Variants in FOXP1 observed in about 807,000 individuals in gnomAD.
The protein encoded by FOXP1 is forkhead box protein P1.
FOXP1 carries 15 observed loss-of-function variants against 98.2 expected under a neutral mutation model. The observed-to-expected ratio is 0.15, with a 90% CI of 0.10 to 0.24. The LOEUF is 0.24. Ranked by LOEUF, FOXP1 falls within the 10% of genes least tolerant of loss-of-function variation. The pLI, the probability that FOXP1 is intolerant of heterozygous loss-of-function variation, is 1.00. For missense variants in FOXP1, 633 were observed against 848.5 expected (o/e 0.75, Z 3.15); for synonymous variants, 371 against 314.5 (o/e 1.18, Z -1.90).
chr3:71,500,239 T>A (rs1020233741), intron 2 of FOXP1, among the ~76,000 whole-genome samples: 4 of 152,236 alleles, frequency 2.6e-5, no homozygotes, highest in African/African-American at 9.6e-5. Flanking sequence ...TTAGAACACA[T>A]GGGGAATTAC....
chr3:71,434,957 C>G (rs769641421), intron 3 of FOXP1, among the ~76,000 whole-genome samples: 7 of 151,954 alleles, frequency 4.6e-5, no homozygotes, highest in African/African-American at 1.5e-4. Flanking sequence ...CCGTCTCTCT[C>G]GCCTTTGATC....
At chr3:71,201,913 T>C (rs1232871539) in intron 5 of FOXP1, among the ~76,000 whole-genome samples, 1 of 152,182 alleles carries the variant, frequency 6.6e-6, no homozygotes, top group African/African-American at 2.4e-5. Context: ...GCCCTAAGAA[T>C]GAGGCATAAA....
intron 3 of FOXP1, among the ~76,000 whole-genome samples, chr3:71,477,997 C>A (rs2089987031): frequency 6.6e-6 from 1 of 152,158 alleles, no homozygotes; most frequent in South Asian, 2.1e-4. Context: ...CAGGAATAAC[C>A]TTACCATGCC....
At chr3:71,285,918 T>C (rs2072070794) in intron 5 of FOXP1, among the ~76,000 whole-genome samples, 1 of 152,228 alleles carries the variant, frequency 6.6e-6, no homozygotes, top group Admixed American at 6.5e-5. Flanking sequence ...TCTCTGAATC[T>C]ATAAACCTAA....
In FOXP1 at chr3:71,003,319, G is replaced by A. The variant is rs2042351111; in HGVS notation, c.975-2260C>T. ...TGCAGGACACAGTTATGTCCTTAAT[G>A]ATGTTTAAACACAGTATTTGTGGAT... On this transcript the variant is annotated intron_variant, in intron 12 of 20. Coordinates refer to ENST00000649528, the MANE Select transcript of FOXP1 (RefSeq NM_001349338.3). Among the ~76,000 whole-genome samples, 3 of 152,178 alleles carry A rather than the reference G, an allele frequency of 2.0e-5. No homozygotes were observed. In the South Asian group the frequency reaches 6.2e-4, roughly 31 times the overall value.
At chr3:71,106,603 C>G (rs372992150) in intron 7 of FOXP1, among the ~76,000 whole-genome samples, 37 of 150,902 alleles carry the variant, frequency 2.5e-4, no homozygotes, top group Admixed American at 2.1e-3. Context: ...GGGTTATAGG[C>G]GTGAGCCATT....
At chr3:71,279,487 C>G (rs2071284454) in intron 5 of FOXP1, among the ~76,000 whole-genome samples, 1 of 152,038 alleles carries the variant, frequency 6.6e-6, no homozygotes, top group South Asian at 2.1e-4. Context: ...AGGGACGCTG[C>G]AAAATATCCC....
chr3:71,144,972 T>C (rs985108746), intron 6 of FOXP1, among the ~76,000 whole-genome samples: 3 of 152,190 alleles, frequency 2.0e-5, no homozygotes, highest in African/African-American at 7.2e-5. Flanking sequence ...ACTTAATACC[T>C]CTGAGACCAT....
chr3:71,461,264 T>C (rs2088070392), intron 3 of FOXP1, among the ~76,000 whole-genome samples: 1 of 152,254 alleles, frequency 6.6e-6, no homozygotes, highest in Non-Finnish European at 1.5e-5. Flanking sequence ...TTTTGTTTCA[T>C]ATTAGAATAA....
chr3:71,136,975 T>G (rs2059848790), intron 6 of FOXP1, among the ~76,000 whole-genome samples: 1 of 152,222 alleles, frequency 6.6e-6, no homozygotes, highest in South Asian at 2.1e-4. Flanking sequence ...TGCCTCCACT[T>G]GCCAGATCTC....
chr3:70,992,190 G>A (rs562151341), intron 13 of FOXP1, among the ~76,000 whole-genome samples: 1 of 152,294 alleles, frequency 6.6e-6, no homozygotes, highest in South Asian at 2.1e-4. Flanking sequence ...AGGACCCCAA[G>A]TGTCCAAGTT....
intron 3 of FOXP1, among the ~76,000 whole-genome samples, chr3:71,411,652 C>T (rs566961815): frequency 6.6e-6 from 1 of 152,208 alleles, no homozygotes; most frequent in African/African-American, 2.4e-5. Flanking sequence ...CTTCTGATCA[C>T]CTGATGCTGG....
At chr3:71,175,874 T>C (rs1467511681) in intron 6 of FOXP1, among the ~76,000 whole-genome samples, 2 of 152,204 alleles carry the variant, frequency 1.3e-5, no homozygotes, top group African/African-American at 2.4e-5. Flanking sequence ...TGGAGCAGTG[T>C]TCTATGTGAG....
chr3:71,032,569 T>G (rs1342663315), intron 11 of FOXP1, among the ~76,000 whole-genome samples: 3 of 152,178 alleles, frequency 2.0e-5, no homozygotes, highest in Non-Finnish European at 4.4e-5. Flanking sequence ...ATAAAGAACT[T>G]CAGGAATGCT....
intron 2 of FOXP1, among the ~76,000 whole-genome samples, chr3:71,524,201 T>C (rs1170217849): frequency 6.6e-6 from 1 of 151,792 alleles, no homozygotes; most frequent in African/African-American, 2.4e-5. Flanking sequence ...CCGTCTCTAG[T>C]AAAAATACAA....
At chr3:71,370,291 T>G (rs1486114418) in intron 3 of FOXP1, among the ~76,000 whole-genome samples, 1 of 152,184 alleles carries the variant, frequency 6.6e-6, no homozygotes, top group African/African-American at 2.4e-5. Flanking sequence ...GTCTCAATGG[T>G]GTAACTTAAG....
chr3:71,456,468 A>G lies in FOXP1; in HGVS notation c.-168+36958T>C, dbSNP rs78625070. On this transcript the variant is annotated intron_variant, in intron 3 of 20. Coordinates refer to ENST00000649528, the MANE Select transcript of FOXP1 (RefSeq NM_001349338.3). ...GCTGATATTTCATATACATATTGTC[A>G]ACATCAGAATAAGAACCGAAATTTG... Among the ~76,000 whole-genome samples the G allele has an allele frequency of 8.0e-3, 1,215 of 152,276 alleles. 19 individuals are homozygous for G. Among genetic ancestry groups the G allele is most frequent in the African/African-American group, 0.028 (1,161 of 41,552 alleles).
chr3:71,137,345 C>T (rs1157577504), intron 6 of FOXP1, among the ~76,000 whole-genome samples: 1 of 152,004 alleles, frequency 6.6e-6, no homozygotes, highest in Non-Finnish European at 1.5e-5. Flanking sequence ...AAAACATCCT[C>T]GCCAGCCCAG....
chr3:71,085,459 C>CT (rs1233412113), intron 7 of FOXP1, among the ~76,000 whole-genome samples: 4 of 151,850 alleles, frequency 2.6e-5, no homozygotes, highest in Admixed American at 6.6e-5. Context: ...CCCCACTTAG[C>CT]TTTTTTTACT....
Sources: allele counts gnomAD v4.1 joint callset (sites outside exome capture counted in the v4.1 genomes callset), GRCh38; gene constraint gnomAD v4.1.1; transcripts MANE v1.5; gene names NCBI Gene and HGNC (gene_info 2026-07-23, HGNC 2026-07-21).